The following NMUR2 variants were observed in gnomAD, a reference collection of about 807,000 sequenced individuals.
NMUR2 encodes neuromedin U receptor 2, also known as neuromedin-U receptor 2.
A neutral mutation model predicts 25.1 loss-of-function variants in NMUR2; 24 were observed. The ratio of observed to expected loss-of-function variants is 0.96; its 90% CI spans 0.69 to 1.34. The LOEUF (loss-of-function observed/expected upper bound fraction) is 1.34. Among genes scored for constraint, NMUR2 ranks in the 40% most tolerant of loss-of-function variants. NMUR2 has a pLI of 0.00. For missense variants in NMUR2, 533 were observed against 512.8 expected (o/e 1.04, Z -0.38); for synonymous variants, 218 against 208.1 (o/e 1.05, Z -0.41).
chr5:152,394,844 CTTTTT>C (rs34269811), intron 3 of NMUR2, among the ~76,000 whole-genome samples: 38 of 103,162 alleles, frequency 3.7e-4, no homozygotes, highest in South Asian at 6.7e-4. Flanking sequence ...GTACAGGAGG[CTTTTT>C]TTTTTTTTTT....
In NMUR2 at chr5:152,404,790, G is replaced by A. The variant is rs1753325749; in HGVS notation, c.324C>T (p.Arg108=). 1.2e-6 allele frequency: 2 copies of A among 1,613,996 alleles called. No homozygotes were observed. Among genetic ancestry groups the A allele is most frequent in the Non-Finnish European group, 1.7e-6 (2 of 1,180,032 alleles). Reference sequence around the variant, plus strand: ...CGGGCCCGAACAAGAAAGGGTAGTTGCGCCACATCTCATAGACCTCCAGGG... The same window carrying A: ...CGGGCCCGAACAAGAAAGGGTAGTTACGCCACATCTCATAGACCTCCAGGG... ...GMPLEVYEMW[R]NYPFLFGPVG... is the part of the protein sequence containing the mutation. The change falls in exon 1 of 4, where the codon CGC becomes CGT. Residue 108 remains arginine (R), a synonymous_variant. Transcript: ENST00000255262.
intron 1 of NMUR2, among the ~76,000 whole-genome samples, chr5:152,403,153 T>G (rs1424101817): frequency 6.6e-6 from 1 of 152,212 alleles, no homozygotes; most frequent in Non-Finnish European, 1.5e-5. Flanking sequence ...TTTTTTCTTT[T>G]TTTAAAGGAA....
intron 2 of NMUR2, among the ~76,000 whole-genome samples, chr5:152,397,174 C>A (rs534997085): frequency 6.6e-6 from 1 of 152,104 alleles, no homozygotes; most frequent in East Asian, 1.9e-4. Context: ...ACTTCAGGGA[C>A]TTCACAGTTT....
Position 152,392,174 on chromosome 5 carries a change from G to T in NMUR2, c.*17C>A. On this transcript the variant is annotated 3_prime_UTR_variant, in exon 4 of 4. Coordinates refer to ENST00000255262, the MANE Select transcript of NMUR2 (RefSeq NM_020167.5). ...CTGAAGTTTTGAGGCATAGAGGAGA[G>T]TCAGCTCTGAAAGAATTCAGGTTTT... is the stretch of plus-strand genomic sequence containing the variant. 1 of 1,595,522 alleles carries T rather than the reference G, an allele frequency of 6.3e-7. No homozygotes were observed.
intron 3 of NMUR2, among the ~76,000 whole-genome samples, chr5:152,393,449 T>A (rs1753096467): frequency 6.6e-6 from 1 of 152,172 alleles, no homozygotes; most frequent in South Asian, 2.1e-4. Flanking sequence ...GTTTACAGAA[T>A]AAACATGGAA....
At chr5:152,397,104 C>A (rs1473903798) in intron 2 of NMUR2, among the ~76,000 whole-genome samples, 1 of 145,038 alleles carries the variant, frequency 6.9e-6, no homozygotes, top group Non-Finnish European at 1.5e-5. Context: ...TAGAGAAAGT[C>A]AAGTGCCAAG....
At chr5:152,395,630 G>GGATAGGTATACAA in intron 2 of NMUR2, 46 bp from the exon 3 acceptor site, 1 of 1,603,894 alleles carries the variant, frequency 6.2e-7, no homozygotes, top group Non-Finnish European at 8.5e-7. Context: ...GTCTGTGCAA[G>GGATAGGTATACAA]GATAGGTATA....
At position 152,405,169 on chromosome 5, in the gene NMUR2, G is replaced by GT; in HGVS notation, c.-57_-56insA. 38 of 1,201,820 alleles carry GT rather than the reference G, an allele frequency of 3.2e-5. No individual in the cohort carries two copies. The highest frequency in any genetic ancestry group is 3.6e-5 in the Non-Finnish European group (33 of 918,952). 74.4% of individuals were successfully genotyped at this position (1,201,820 alleles called of 1,614,324 possible). On this transcript the variant is annotated 5_prime_UTR_variant, in exon 1 of 4. Coordinates refer to ENST00000255262, the MANE Select transcript of NMUR2 (RefSeq NM_020167.5). ...CGAGGCTCTGTTTCAAGCTGAGCCA[G>GT]GAAAAAAAAAAAAAAAAGAAAAAAG...
chr5:152,395,323 A>G, intron 3 of NMUR2, 136 bp downstream of exon 3: 2 of 971,948 alleles, frequency 2.1e-6, no homozygotes, highest in Non-Finnish European at 1.5e-6. Context: ...TCTGAATAAA[A>G]GAAAAATCAA....
Position 152,404,493 on chromosome 5 carries a change from G to C in NMUR2, c.621C>G (p.Ile207Met), listed in dbSNP as rs1175171761. The C allele has an allele frequency of 9.3e-6, 15 of 1,614,032 alleles. No homozygotes were observed. The Admixed American group carries it at 2.2e-4, about 23-fold the overall frequency. ...TGAAATTGTAGATCCACATGGGCTT[G>C]ATGACCGTACAGGTGGCCGAACCTG... ...LVPGSATCTV[I>M]KPMWIYNFII... is the part of the protein sequence containing the mutation. The change falls in exon 1 of 4, where the codon ATC (isoleucine) becomes ATG (methionine). Residue 207 changes from isoleucine (I) to methionine (M), a missense_variant. Ile to Met is a conservative substitution (Grantham distance 10). Coordinates refer to ENST00000255262, the MANE Select transcript of NMUR2 (RefSeq NM_020167.5).
In NMUR2 at chr5:152,398,073, G is replaced by A. The variant is rs759839784; in HGVS notation, c.798C>T (p.Val266=). ...ANIQRPCRKS[V]NKMLFVLVLV... ...TGGGGCACTTACACAGCATCTTGTT[G>A]ACTGATTTTCTGCAGGGTCTTTGAA... Residue 266 remains valine, a synonymous_variant, in exon 2 of 4, where the codon GTC becomes GTT. Coordinates refer to ENST00000255262, the MANE Select transcript of NMUR2 (RefSeq NM_020167.5). 5.0e-6 allele frequency: 8 copies of A among 1,612,692 alleles called. No homozygotes were observed. The South Asian group carries it at 8.8e-5, about 18-fold the overall frequency.
Position 152,404,591 on chromosome 5 carries a change from CGGA to C in NMUR2, c.520_522del (p.Ser174del). The C allele has an allele frequency of 6.2e-7, 1 of 1,614,076 alleles. No individual in the cohort carries two copies. Among genetic ancestry groups the C allele is most frequent in the African/African-American group, 1.3e-5 (1 of 75,010 alleles). On this transcript the variant is annotated inframe_deletion, in exon 1 of 4. Transcript: ENST00000255262. ...CTGGTGTTGGGCAGGGAGAAGAGCA[CGGA>C]GAAGCCCCAGACGATGCCGAGGATC...
chr5:152,405,178 A>G lies in NMUR2; in HGVS notation c.-65T>C, dbSNP rs956292203. The G allele has an allele frequency of 7.4e-6, 11 of 1,491,916 alleles. No homozygotes were observed. The highest frequency in any genetic ancestry group is 4.4e-5 in the African/African-American group (3 of 67,762). The allele number at this position is 1,491,916 out of a possible 1,614,324, so 92.4% of individuals were successfully genotyped here. A position where few individuals can be genotyped will look rare whatever the true frequency, so the allele number is the denominator to read the frequency against. ...GTTTCAAGCTGAGCCAGGAAAAAAA[A>G]AAAAAAAAGAAAAAAGGAAAACAAA... On this transcript the variant is annotated 5_prime_UTR_variant, in exon 1 of 4. Coordinates refer to ENST00000255262, the MANE Select transcript of NMUR2 (RefSeq NM_020167.5).
In NMUR2 at chr5:152,404,601, C is replaced by T; in HGVS notation, c.513G>A (p.Trp171Ter). Residue 171 changes from tryptophan to a stop codon, truncating the protein, a stop_gained, in exon 1 of 4, where the codon TGG (tryptophan) becomes TGA (stop). Coordinates refer to ENST00000255262, the MANE Select transcript of NMUR2 (RefSeq NM_020167.5). LOFTEE classifies it high-confidence loss of function. The part of the protein sequence containing the change: ...RRALRILGIV[W>*]GFSVLFSLPN... Reference sequence around the variant, plus strand: ...GCAGGGAGAAGAGCACGGAGAAGCCCCAGACGATGCCGAGGATCCTGAGGG... The same window carrying T: ...GCAGGGAGAAGAGCACGGAGAAGCCTCAGACGATGCCGAGGATCCTGAGGG... 1 of 1,614,098 alleles carries T rather than the reference C, an allele frequency of 6.2e-7. No individual in the cohort carries two copies.
At chr5:152,404,056 TC>T (rs1316390727) in intron 1 of NMUR2, among the ~76,000 whole-genome samples, 1 of 152,150 alleles carries the variant, frequency 6.6e-6, no homozygotes, top group African/African-American at 2.4e-5. Flanking sequence ...CCTCAGACCT[TC>T]TGAATCCCAT....
At chr5:152,394,315 G>C (rs1354760976) in intron 3 of NMUR2, among the ~76,000 whole-genome samples, 3 of 152,144 alleles carry the variant, frequency 2.0e-5, no homozygotes, top group Non-Finnish European at 4.4e-5. Flanking sequence ...CATTAGGCCT[G>C]CTGAGTACAA....
chr5:152,392,069 G>A lies in NMUR2; in HGVS notation c.*122C>T. On this transcript the variant is annotated 3_prime_UTR_variant, in exon 4 of 4. Transcript: ENST00000255262. ...ACGTTTATTAAAAAAAAAAAAACTA[G>A]CAATGGGTACATGAGTTGTAAGAGC... 1.3e-6 allele frequency: 1 copy of A among 795,494 alleles called. No individual in the cohort carries two copies. Among genetic ancestry groups the A allele is most frequent in the South Asian group, 2.1e-5 (1 of 47,748 alleles). 49.3% of individuals were successfully genotyped at this position (795,494 alleles called of 1,614,324 possible). A position where few individuals can be genotyped will look rare whatever the true frequency, so the allele number is the denominator to read the frequency against.
chr5:152,405,165 G>C lies in NMUR2; in HGVS notation c.-52C>G. The C allele has an allele frequency of 1.5e-6, 2 of 1,345,380 alleles. No individual in the cohort carries two copies. The highest frequency in any genetic ancestry group is 1.9e-6 in the Non-Finnish European group (2 of 1,025,824). 83.3% of individuals were successfully genotyped at this position (1,345,380 alleles called of 1,614,324 possible). Reference sequence around the variant, plus strand: ...GGTACGAGGCTCTGTTTCAAGCTGAGCCAGGAAAAAAAAAAAAAAAAGAAA... The same window carrying C: ...GGTACGAGGCTCTGTTTCAAGCTGACCCAGGAAAAAAAAAAAAAAAAGAAA... On this transcript the variant is annotated 5_prime_UTR_variant, in exon 1 of 4. Coordinates refer to ENST00000255262, the MANE Select transcript of NMUR2 (RefSeq NM_020167.5).
chr5:152,393,882 G>C (rs1753102892), intron 3 of NMUR2, among the ~76,000 whole-genome samples: 1 of 152,078 alleles, frequency 6.6e-6, no homozygotes, highest in Non-Finnish European at 1.5e-5. Flanking sequence ...GGCAGGAATG[G>C]CCATATTGTG....
Sources: allele counts gnomAD v4.1 joint callset (sites outside exome capture counted in the v4.1 genomes callset), GRCh38; gene constraint gnomAD v4.1.1; transcripts MANE v1.5; gene names NCBI Gene and HGNC (gene_info 2026-07-23, HGNC 2026-07-21).